Variants in ARHGAP20 observed in about 807,000 individuals in gnomAD.
ARHGAP20 encodes Rho GTPase activating protein 20, also known as rho GTPase-activating protein 20.
ARHGAP20 carries 34 observed loss-of-function variants against 73.7 expected under a neutral mutation model. The observed-to-expected ratio is 0.46, with a 90% CI of 0.35 to 0.61. The LOEUF (loss-of-function observed/expected upper bound fraction) is 0.61. Among genes scored for constraint, ARHGAP20 ranks in the 20% least tolerant of loss-of-function variants. ARHGAP20 has a pLI of 0.00. For synonymous variants in ARHGAP20, 523 were observed against 518.2 expected (o/e 1.01, Z -0.13); for missense variants, 1,314 against 1,420.9 (o/e 0.92, Z 1.21).
At chr11:110,587,373 GAA>G (rs1947698272) in intron 11 of ARHGAP20, among the ~76,000 whole-genome samples, 1 of 152,212 alleles carries the variant, frequency 6.6e-6, no homozygotes, top group African/African-American at 2.4e-5. Flanking sequence ...GAGGACAGGT[GAA>G]AGTCTGCAAT....
At chr11:110,583,274 TTTTTC>T (rs1947523098) in intron 13 of ARHGAP20, among the ~76,000 whole-genome samples, 1 of 152,198 alleles carries the variant, frequency 6.6e-6, no homozygotes, top group Non-Finnish European at 1.5e-5. Flanking sequence ...CAAAGTCCTT[TTTTTC>T]TTTTCATTTA....
In ARHGAP20 at chr11:110,578,624, G is replaced by T. The variant is rs982723663; in HGVS notation, c.*746C>A. On this transcript the variant is annotated 3_prime_UTR_variant, in exon 15 of 15. Coordinates refer to ENST00000683387, the MANE Select transcript of ARHGAP20 (RefSeq NM_001384657.1). The stretch of plus-strand genomic sequence containing the variant: ...TACCTTTGAAAGGGTACTGAAATGG[G>T]CAGCCATTTTCTTCTTTCTCCTCAC... 1.0e-6 allele frequency: 1 copy of T among 985,262 alleles called. No homozygotes were observed. The highest frequency in any genetic ancestry group is 1.7e-5 in the African/African-American group (1 of 57,222). The allele number at this position is 985,262 out of a possible 1,614,324, so 61.0% of individuals were successfully genotyped here.
At chr11:110,685,411 C>T (rs1950112621) in intron 2 of ARHGAP20, among the ~76,000 whole-genome samples, 1 of 152,044 alleles carries the variant, frequency 6.6e-6, no homozygotes, top group South Asian at 2.1e-4. Flanking sequence ...GTAACCTTCT[C>T]AGCATGAAAG....
chr11:110,690,374 G>A (rs1950218124), intron 2 of ARHGAP20, among the ~76,000 whole-genome samples, 173 bp downstream of exon 2: 1 of 152,270 alleles, frequency 6.6e-6, no homozygotes, highest in Admixed American at 6.5e-5. Flanking sequence ...ATATATACCA[G>A]CTAGGCACTA....
chr11:110,713,145 CAG>C (rs962892490), upstream of ARHGAP20: 6 of 152,268 alleles, frequency 3.9e-5, no homozygotes, highest in Non-Finnish European at 7.3e-5. Context: ...AAAATGCAGA[CAG>C]AGCGAGGACG....
At chr11:110,665,988 C>A (rs1949716004) in intron 2 of ARHGAP20, among the ~76,000 whole-genome samples, 1 of 152,052 alleles carries the variant, frequency 6.6e-6, no homozygotes, top group African/African-American at 2.4e-5. Context: ...CACACACACA[C>A]ACACACGTAT....
At chr11:110,696,974 T>G (rs1464274266) in intron 1 of ARHGAP20, among the ~76,000 whole-genome samples, 1 of 151,782 alleles carries the variant, frequency 6.6e-6, no homozygotes, top group African/African-American at 2.4e-5. Context: ...AGTTAACTGT[T>G]GATGGACACT....
intron 1 of ARHGAP20, among the ~76,000 whole-genome samples, chr11:110,705,045 C>T (rs1455313407): frequency 1.3e-5 from 2 of 151,872 alleles, no homozygotes; most frequent in Non-Finnish European, 2.9e-5. Context: ...ATTTTAGTGG[C>T]AATTTAAGTT....
intron 2 of ARHGAP20, among the ~76,000 whole-genome samples, chr11:110,662,803 T>C (rs915813384): frequency 6.6e-6 from 1 of 151,880 alleles, no homozygotes; most frequent in African/African-American, 2.4e-5. Flanking sequence ...TGAAAAGACT[T>C]GGAAATGATG....
intron 9 of ARHGAP20, among the ~76,000 whole-genome samples, chr11:110,602,109 T>C (rs542347500): frequency 3.3e-5 from 5 of 152,272 alleles, no homozygotes; most frequent in South Asian, 2.1e-4. Context: ...GTGACAGAGA[T>C]GGTATGTGGT....
At chr11:110,591,848 A>T in intron 10 of ARHGAP20, 129 bp downstream of exon 10, 1 of 943,432 alleles carries the variant, frequency 1.1e-6, no homozygotes, top group Non-Finnish European at 1.6e-6. Context: ...TTGGAGGAAT[A>T]ATAGTGAAGA....
At chr11:110,696,347 C>A (rs1950335197) in intron 1 of ARHGAP20, among the ~76,000 whole-genome samples, 2 of 151,636 alleles carry the variant, frequency 1.3e-5, no homozygotes, top group African/African-American at 4.8e-5. Flanking sequence ...ACCAAAGAAA[C>A]CTAACTACCA....
chr11:110,598,902 G>T (rs563369379), intron 9 of ARHGAP20, among the ~76,000 whole-genome samples: 2 of 151,206 alleles, frequency 1.3e-5, no homozygotes, highest in African/African-American at 2.4e-5. Flanking sequence ...CTGCCCTCCC[G>T]GGTGGAGGTG....
At chr11:110,704,460 C>T (rs1950516787) in intron 1 of ARHGAP20, among the ~76,000 whole-genome samples, 2 of 152,140 alleles carry the variant, frequency 1.3e-5, no homozygotes, top group East Asian at 1.9e-4. Context: ...CTGCTCTCAG[C>T]ACACCACTGA....
chr11:110,702,472 G>A (rs1950472995), intron 1 of ARHGAP20, among the ~76,000 whole-genome samples: 1 of 152,110 alleles, frequency 6.6e-6, no homozygotes, highest in Non-Finnish European at 1.5e-5. Flanking sequence ...TTGAAAACTG[G>A]CACAAGACAG....
chr11:110,605,019 C>T (rs1237222966), intron 9 of ARHGAP20, among the ~76,000 whole-genome samples: 2 of 152,106 alleles, frequency 1.3e-5, no homozygotes, highest in Admixed American at 6.5e-5. Flanking sequence ...AGTCTTGATG[C>T]TATATGATTT....
At position 110,624,172 on chromosome 11, in the gene ARHGAP20, C is replaced by A; in HGVS notation, c.493G>T (p.Ala165Ser). 1 of 1,610,328 alleles carries A rather than the reference C, an allele frequency of 6.2e-7. No individual in the cohort carries two copies. The highest frequency in any genetic ancestry group is 8.5e-7 in the Non-Finnish European group (1 of 1,179,086). ...AGCTGTGGTTCTTACCTGAAAGTGG[C>A]CACAAAGTTCACTGTGGGCCAGCCC... ...VLGWPTVNFV[A>S]TFSSPEQKDK... Residue 165 changes from alanine (A) to serine (S), a missense_variant, in exon 4 of 15, where the codon GCC becomes TCC. Physicochemically the swap from Ala to Ser is moderately conservative, Grantham distance 99 (BLOSUM62 1). Coordinates refer to ENST00000683387, the MANE Select transcript of ARHGAP20 (RefSeq NM_001384657.1).
At chr11:110,673,912 A>G (rs915305912) in intron 2 of ARHGAP20, among the ~76,000 whole-genome samples, 2 of 151,826 alleles carry the variant, frequency 1.3e-5, no homozygotes, top group African/African-American at 4.8e-5. Flanking sequence ...TTTCAACTCC[A>G]TTACTTAATA....
chr11:110,669,658 A>T (rs1202360167), intron 2 of ARHGAP20, among the ~76,000 whole-genome samples: 1 of 152,212 alleles, frequency 6.6e-6, no homozygotes, highest in Admixed American at 6.5e-5. Context: ...AGTTCTGACC[A>T]GAGCAAGTGT....
Sources: allele counts gnomAD v4.1 joint callset (sites outside exome capture counted in the v4.1 genomes callset), GRCh38; gene constraint gnomAD v4.1.1; transcripts MANE v1.5; gene names NCBI Gene and HGNC (gene_info 2026-07-23, HGNC 2026-07-21).